Variants in GRB10 observed in about 807,000 individuals in gnomAD.
The protein encoded by GRB10 is growth factor receptor bound protein 10.
Under a neutral mutation model 80.9 loss-of-function variants are expected in GRB10, and 20 were observed. The observed-to-expected ratio is 0.25, with a 90% CI of 0.17 to 0.36. The LOEUF is 0.36. GRB10 is among the 10% of genes least tolerant of loss of function. GRB10 has a pLI of 1.00. For synonymous variants in GRB10, 291 were observed against 291.5 expected (o/e 1.00, Z 0.02); for missense variants, 548 against 747.7 (o/e 0.73, Z 3.12).
At chr7:50,653,415 C>G (rs374449334) in intron 7 of GRB10, among the ~76,000 whole-genome samples, 2 of 152,334 alleles carry the variant, frequency 1.3e-5, no homozygotes, top group African/African-American at 4.8e-5. Flanking sequence ...CTGTTTGTCT[C>G]GGCCAGCCCC....
At chr7:50,595,121 C>A (rs1212163672) in intron 18 of GRB10, among the ~76,000 whole-genome samples, 1 of 151,886 alleles carries the variant, frequency 6.6e-6, no homozygotes, top group Non-Finnish European at 1.5e-5. Flanking sequence ...CAGCTGTGGG[C>A]CCTCAGCTAA....
chr7:50,774,197 G>A (rs1276251803), intron 2 of GRB10, among the ~76,000 whole-genome samples: 2 of 152,196 alleles, frequency 1.3e-5, no homozygotes, highest in South Asian at 2.1e-4. Flanking sequence ...TGGGAAAGCA[G>A]GGGGAGCAAT....
intron 2 of GRB10, among the ~76,000 whole-genome samples, chr7:50,760,989 G>A (rs957560401): frequency 1.3e-5 from 2 of 152,190 alleles, no homozygotes; most frequent in Non-Finnish European, 2.9e-5. Flanking sequence ...GCTTTTTGAA[G>A]ATCAAATTGA....
At chr7:50,684,072 T>TGCC in intron 5 of GRB10, among the ~76,000 whole-genome samples, 1 of 152,244 alleles carries the variant, frequency 6.6e-6, no homozygotes, top group South Asian at 2.1e-4. Flanking sequence ...ACATGCAAAG[T>TGCC]GCCGCCGCCA....
intron 4 of GRB10, among the ~76,000 whole-genome samples, chr7:50,722,742 C>G (rs1295342991): frequency 6.6e-6 from 1 of 152,080 alleles, no homozygotes; most frequent in Non-Finnish European, 1.5e-5. Context: ...TCTCCTTCCC[C>G]GACATTACTT....
At chr7:50,663,321 T>C (rs2059466068) in intron 7 of GRB10, among the ~76,000 whole-genome samples, 1 of 152,172 alleles carries the variant, frequency 6.6e-6, no homozygotes, top group Admixed American at 6.5e-5. Flanking sequence ...TTCCAGCCTC[T>C]GGACCCAGAG....
chr7:50,752,937 T>C (rs933158707), intron 3 of GRB10, among the ~76,000 whole-genome samples: 2 of 152,216 alleles, frequency 1.3e-5, no homozygotes, highest in African/African-American at 2.4e-5. Context: ...CAGAGGTCTC[T>C]TTGGGCCCAA....
At chr7:50,748,915 G>T (rs1168588006) in intron 3 of GRB10, among the ~76,000 whole-genome samples, 1 of 152,116 alleles carries the variant, frequency 6.6e-6, no homozygotes, top group Non-Finnish European at 1.5e-5. Context: ...AAGGCCATAA[G>T]AAATCAGAAC....
intron 2 of GRB10, among the ~76,000 whole-genome samples, chr7:50,770,473 C>T (rs1471093890): frequency 2.6e-5 from 4 of 152,236 alleles, no homozygotes; most frequent in African/African-American, 9.6e-5. Flanking sequence ...TAAATCCCCA[C>T]ACCTGTGCTT....
At chr7:50,624,519 G>A (rs1025132543) in intron 8 of GRB10, among the ~76,000 whole-genome samples, 1 of 152,170 alleles carries the variant, frequency 6.6e-6, no homozygotes, top group African/African-American at 2.4e-5. Context: ...TTTAAAAAAC[G>A]TTAAGTGATA....
At chr7:50,593,969 G>T (rs1426733943) in intron 18 of GRB10, among the ~76,000 whole-genome samples, 2 of 148,470 alleles carry the variant, frequency 1.3e-5, no homozygotes, top group Non-Finnish European at 3.0e-5. Flanking sequence ...TACCACGAAA[G>T]CCCCCTTTCT....
rs11984357 is a variant in GRB10 at position 50,626,750 on chromosome 7, T to C, written c.661+72A>G. ...ACACTGCGGTCACACATTTGGCATTTGGCAGCAGCAGTCTTCATTCAATTG... is the reference window on the plus strand; with the variant it reads ...ACACTGCGGTCACACATTTGGCATTCGGCAGCAGCAGTCTTCATTCAATTG... On this transcript the variant is annotated intron_variant, in intron 8 of 18. Transcript: ENST00000401949. 7,865 of 1,561,514 alleles carry C rather than the reference T, an allele frequency of 5.0e-3. 377 individuals are homozygous for C. The African/African-American group carries it at 0.097, about 19-fold the overall frequency.
intron 2 of GRB10, among the ~76,000 whole-genome samples, chr7:50,772,914 C>T (rs1055194501): frequency 2.0e-5 from 3 of 152,136 alleles, no homozygotes; most frequent in Admixed American, 6.5e-5. Flanking sequence ...TAACAAAAAG[C>T]AAATCAAAAC....
chr7:50,743,948 G>A (rs571497697), intron 3 of GRB10, among the ~76,000 whole-genome samples: 5 of 152,156 alleles, frequency 3.3e-5, no homozygotes, highest in Admixed American at 1.3e-4. Context: ...GGAGGTCCTC[G>A]AATCCCTCCA....
chr7:50,667,689 A>T (rs1338283521), intron 7 of GRB10, among the ~76,000 whole-genome samples: 1 of 152,072 alleles, frequency 6.6e-6, no homozygotes, highest in Non-Finnish European at 1.5e-5. Flanking sequence ...ACAAAGAACA[A>T]GGACTTTCTA....
chr7:50,709,587 G>A (rs1037498409), intron 4 of GRB10, among the ~76,000 whole-genome samples: 3 of 95,394 alleles, frequency 3.1e-5, no homozygotes, highest in East Asian at 3.0e-4. Context: ...CCCACCCCGC[G>A]CCCTCCGGAG....
intron 3 of GRB10, among the ~76,000 whole-genome samples, chr7:50,749,287 C>T (rs1468651337): frequency 2.0e-5 from 3 of 151,850 alleles, no homozygotes; most frequent in Non-Finnish European, 4.4e-5. Flanking sequence ...CACCACCATG[C>T]CCAGCTAATT....
chr7:50,661,898 C>T (rs1392561357), intron 7 of GRB10, among the ~76,000 whole-genome samples: 2 of 152,228 alleles, frequency 1.3e-5, no homozygotes, highest in Non-Finnish European at 2.9e-5. Context: ...AGTGCCGTGA[C>T]ACAGGACGAG....
upstream of GRB10, among the ~76,000 whole-genome samples, chr7:50,786,106 G>A (rs1214689314): frequency 2.0e-5 from 3 of 152,088 alleles, no homozygotes; most frequent in South Asian, 6.2e-4. Flanking sequence ...TATATATATA[G>A]AGAGAGATCC....
Sources: gnomAD v4.1 joint callset for allele counts (sites outside exome capture counted in the v4.1 genomes callset) on GRCh38, gnomAD v4.1.1 for gene constraint, MANE v1.5 for transcripts, NCBI Gene and HGNC (gene_info 2026-07-23, HGNC 2026-07-21) for gene names.